COL27A1: variants seen among roughly 807,000 people sequenced by gnomAD.
The protein encoded by COL27A1 is collagen type XXVII alpha 1 chain.
A neutral mutation model predicts 251.3 loss-of-function variants in COL27A1; 106 were observed. That is an observed-to-expected ratio of 0.42 (90% CI 0.36 to 0.50). COL27A1 has a LOEUF of 0.50. Among genes scored for constraint, COL27A1 ranks in the 20% least tolerant of loss-of-function variants. The pLI, the probability that COL27A1 is intolerant of heterozygous loss-of-function variation, is 0.00. For synonymous variants in COL27A1, 1,000 were observed against 986.3 expected (o/e 1.01, Z -0.26); for missense variants, 2,325 against 2,522.8 (o/e 0.92, Z 1.68).
intron 2 of COL27A1, among the ~76,000 whole-genome samples, chr9:114,164,053 C>T (rs1348667341): frequency 2.0e-5 from 3 of 152,140 alleles, no homozygotes; most frequent in African/African-American, 4.8e-5. Context: ...AGGCCCCAGG[C>T]AGAATAGCAT....
In COL27A1 at chr9:114,290,691, T is replaced by C. The variant is rs1207899542; in HGVS notation, c.4369-119T>C. The C allele has an allele frequency of 1.4e-6, 1 of 726,766 alleles. No homozygotes were observed. Among genetic ancestry groups the C allele is most frequent in the Non-Finnish European group, 2.3e-6 (1 of 438,486 alleles). The allele number at this position is 726,766 out of a possible 1,614,324, so 45.0% of individuals were successfully genotyped here. A position where few individuals can be genotyped will look rare whatever the true frequency, so the allele number is the denominator to read the frequency against. ...TCACACACAGGCCGTCTGACCTCCA[T>C]CCTGGAGTGTGACCCCTTCCTCCAG... On this transcript the variant is annotated intron_variant, in intron 47 of 60. Transcript: ENST00000356083. This position sits in a 1 kb window ranked among gnomAD's most constrained non-coding sequence, Gnocchi z 4.6.
intron 35 of COL27A1, among the ~76,000 whole-genome samples, chr9:114,269,614 C>CAAA (rs552967033): frequency 5.7e-4 from 39 of 68,908 alleles, no homozygotes; most frequent in East Asian, 2.8e-3. Context: ...GACTCCATCT[C>CAAA]AAAAAAAAAA....
chr9:114,267,767 C>CACCT (rs954171866), intron 34 of COL27A1, among the ~76,000 whole-genome samples: 37 of 152,248 alleles, frequency 2.4e-4, no homozygotes, highest in Non-Finnish European at 3.8e-4. Context: ...TTTTTTCGGG[C>CACCT]ACCTGCCCCT....
chr9:114,276,545 C>T (rs1015642400), intron 37 of COL27A1, among the ~76,000 whole-genome samples: 3 of 152,184 alleles, frequency 2.0e-5, no homozygotes, highest in Non-Finnish European at 4.4e-5. Flanking sequence ...GCGGGGGTTG[C>T]AATGAGCTGA....
At chr9:114,249,803 G>C (rs532826355) in intron 24 of COL27A1, among the ~76,000 whole-genome samples, 52 of 152,256 alleles carry the variant, frequency 3.4e-4, no homozygotes, top group Admixed American at 9.2e-4. Flanking sequence ...GAACCTCTTG[G>C]CTGCAAATCT....
chr9:114,248,657 G>A (rs1302917618), intron 24 of COL27A1, among the ~76,000 whole-genome samples: 5 of 152,190 alleles, frequency 3.3e-5, no homozygotes, highest in Non-Finnish European at 7.4e-5. Context: ...CTGCCAGGAT[G>A]TTCTGGGACA....
intron 20 of COL27A1, 41 bp from the exon 21 acceptor site, chr9:114,240,393 G>T: frequency 6.2e-7 from 1 of 1,607,544 alleles, no homozygotes; most frequent in South Asian, 1.1e-5. Context: ...GGAGATGGAG[G>T]TACCGCCTCT....
intron 7 of COL27A1, among the ~76,000 whole-genome samples, chr9:114,203,805 A>T (rs1043348793): frequency 1.3e-5 from 2 of 151,888 alleles, no homozygotes; most frequent in Non-Finnish European, 2.9e-5. Flanking sequence ...ATGTCTGGAG[A>T]TGTTTGCAAG....
chr9:114,310,412 G>A, intron 60 of COL27A1, 137 bp from the exon 61 acceptor site: 1 of 844,896 alleles, frequency 1.2e-6, no homozygotes, highest in Non-Finnish European at 1.9e-6. Context: ...CAATCTAAAT[G>A]TGCCATATAG....
At chr9:114,225,602 A>C (rs933346370) in intron 14 of COL27A1, among the ~76,000 whole-genome samples, 1 of 152,202 alleles carries the variant, frequency 6.6e-6, no homozygotes, top group Non-Finnish European at 1.5e-5. Context: ...CTGGAAAGGA[A>C]AGGAATTTTC....
At chr9:114,162,225 C>A (rs1353343075) in intron 1 of COL27A1, among the ~76,000 whole-genome samples, 2 of 152,204 alleles carry the variant, frequency 1.3e-5, no homozygotes, top group Non-Finnish European at 2.9e-5. Flanking sequence ...CCAAGCAGTC[C>A]AGCCTGGTCT....
chr9:114,164,901 G>T (rs893142166), intron 2 of COL27A1, among the ~76,000 whole-genome samples: 1 of 152,118 alleles, frequency 6.6e-6, no homozygotes, highest in African/African-American at 2.4e-5. Context: ...GAAGAATAAA[G>T]GTCTTAAACT....
intron 49 of COL27A1, among the ~76,000 whole-genome samples, chr9:114,292,919 C>G (rs1828021252): frequency 6.6e-6 from 1 of 152,148 alleles, no homozygotes; most frequent in African/African-American, 2.4e-5. Context: ...AATGTTTATG[C>G]ACCTAAAAAT....
At chr9:114,235,176 G>A (rs1053621115) in intron 16 of COL27A1, among the ~76,000 whole-genome samples, 5 of 151,836 alleles carry the variant, frequency 3.3e-5, no homozygotes, top group Non-Finnish European at 7.4e-5. Context: ...GTGAAAAATT[G>A]AGCAGACACA....
chr9:114,300,987 C>T (rs959693263), intron 51 of COL27A1, 85 bp from the exon 52 acceptor site: 33 of 1,349,926 alleles, frequency 2.4e-5, no homozygotes, highest in South Asian at 9.6e-5. Flanking sequence ...TCCCTTGCGA[C>T]GCTCGGGCTG....
chr9:114,215,418 G>A (rs1830653432), intron 12 of COL27A1, among the ~76,000 whole-genome samples: 1 of 152,208 alleles, frequency 6.6e-6, no homozygotes, highest in African/African-American at 2.4e-5. Context: ...GTGAACCAGA[G>A]CTGACCCAGG....
At chr9:114,285,338 G>GC (rs888036692) in intron 41 of COL27A1, among the ~76,000 whole-genome samples, 21 of 152,074 alleles carry the variant, frequency 1.4e-4, no homozygotes, top group Non-Finnish European at 2.5e-4. Context: ...CCTGGACCCT[G>GC]CCCCCCCATG....
rs1588631185 is a variant in COL27A1 at position 114,194,427 on chromosome 9, C to G, written c.2040C>G (p.Leu680=). The change falls in exon 6 of 61, where the codon CTC becomes CTG. Residue 680 remains leucine, a synonymous_variant. Transcript: ENST00000356083. ...GAKGQKGDPG[L]SPGKAHDGAK... Reference sequence around the variant, plus strand: ...AGGGACAGAAAGGGGACCCAGGGCTCTCACCAGGAAAGGCCCACGATGGGG... The same window carrying G: ...AGGGACAGAAAGGGGACCCAGGGCTGTCACCAGGAAAGGCCCACGATGGGG... 8 of 1,613,128 alleles carry G rather than the reference C, an allele frequency of 5.0e-6. No individual in the cohort carries two copies. Among genetic ancestry groups the G allele is most frequent in the East Asian group, 2.2e-5 (1 of 44,818 alleles).
Position 114,284,573 on chromosome 9 carries a change from C to A in COL27A1, c.3934-151C>A. 8.0e-6 allele frequency: 6 copies of A among 754,104 alleles called. No homozygotes were observed. The East Asian group carries it at 1.6e-4, about 20-fold the overall frequency. The allele number at this position is 754,104 out of a possible 1,614,324, so 46.7% of individuals were successfully genotyped here. A position where few individuals can be genotyped will look rare whatever the true frequency, so the allele number is the denominator to read the frequency against. On this transcript the variant is annotated intron_variant, in intron 40 of 60. Transcript: ENST00000356083. ...CACGGCACATCTGGAAGGCCAGGGC[C>A]CAGACAGGCACAGACTTACTCAGAG...
Sources: allele counts gnomAD v4.1 joint callset (sites outside exome capture counted in the v4.1 genomes callset), GRCh38; gene constraint gnomAD v4.1.1; non-coding constraint Gnocchi (gnomAD v3.1); transcripts MANE v1.5; gene names NCBI Gene and HGNC (gene_info 2026-07-23, HGNC 2026-07-21).